The following PCDH11X variants were observed in gnomAD, a reference collection of about 807,000 sequenced individuals.
PCDH11X encodes protocadherin-11 X-linked.
PCDH11X carries 18 observed loss-of-function variants against 53.3 expected under a neutral mutation model. That is an observed-to-expected ratio of 0.34 (90% CI 0.23 to 0.50). PCDH11X has a LOEUF of 0.50. PCDH11X is among the 20% of genes least tolerant of loss of function. The probability of loss-of-function intolerance (pLI) is 0.98; values close to 1 mark genes in which losing one functional copy is unlikely to be tolerated. For missense variants in PCDH11X, 570 were observed against 1,032.4 expected (o/e 0.55, Z 6.14); for synonymous variants, 279 against 393.3 (o/e 0.71, Z 3.44).
chrX:92,182,795 C>T (rs1424747342), intron 6 of PCDH11X, among the ~76,000 whole-genome samples: 1 of 111,426 alleles, frequency 9.0e-6, no homozygotes, highest in Non-Finnish European at 1.9e-5. Flanking sequence ...GTCCATTAAA[C>T]CTCTTTCTTT....
Position 91,852,126 on chromosome X carries a change from G to T in PCDH11X, c.540+16082G>T, listed in dbSNP as rs1394940145. ...CCTCCCGGGTTCAAGCAATTCTCCTGCCTTAGCCTCCTGAGTAGCTGGGCT... is the reference window on the plus strand; with the variant it reads ...CCTCCCGGGTTCAAGCAATTCTCCTTCCTTAGCCTCCTGAGTAGCTGGGCT... On this transcript the variant is annotated intron_variant, in intron 5 of 10. Coordinates refer to ENST00000682573, the MANE Select transcript of PCDH11X (RefSeq NM_032968.5). Among the ~76,000 whole-genome samples the T allele has an allele frequency of 4.0e-5, 4 of 100,621 alleles. No individual in the cohort carries two copies. In the South Asian group the frequency reaches 2.0e-3, roughly 49 times the overall value. 87.4% of individuals were successfully genotyped at this position (100,621 alleles called of 115,157 possible).
intron 10 of PCDH11X, among the ~76,000 whole-genome samples, chrX:92,488,110 G>A (rs1172027340): frequency 9.1e-6 from 1 of 110,103 alleles, no homozygotes; most frequent in East Asian, 2.9e-4. Context: ...CTTGGATAAT[G>A]TTTTATTAGA....
rs773254590 is a variant in PCDH11X, at chrX:92,008,233, A to G, written c.3033+128960A>G. 5.7e-3 allele frequency among the ~76,000 whole-genome samples: 630 copies of G among 110,434 alleles called. 10 individuals carry two copies. Among genetic ancestry groups the G allele is most frequent in the African/African-American group, 0.019 (587 of 30,272 alleles). On this transcript the variant is annotated intron_variant, in intron 6 of 10. Coordinates refer to ENST00000682573, the MANE Select transcript of PCDH11X (RefSeq NM_032968.5). Reference sequence around the variant, plus strand: ...GCACTAGGACTCACATACACGTTGCAATTCTTATGGCCTAGACAGCCTTTC... The same window carrying G: ...GCACTAGGACTCACATACACGTTGCGATTCTTATGGCCTAGACAGCCTTTC...
chrX:92,124,853 ATTTG>A (rs1358983529), intron 6 of PCDH11X, among the ~76,000 whole-genome samples: 1 of 110,477 alleles, frequency 9.1e-6, no homozygotes, highest in African/African-American at 3.3e-5. Flanking sequence ...TTATTTATGC[ATTTG>A]TTTGTTTGTT....
chrX:92,452,777 G>A (rs146273503), intron 9 of PCDH11X, among the ~76,000 whole-genome samples: 9,426 of 87,397 alleles, frequency 0.11, 662 homozygotes, highest in Non-Finnish European at 0.15. Context: ...GACTACAGGC[G>A]TGAGCCACCA....
intron 6 of PCDH11X, among the ~76,000 whole-genome samples, chrX:91,937,428 T>A (rs2061458551): frequency 9.0e-6 from 1 of 111,023 alleles, no homozygotes; most frequent in Admixed American, 9.6e-5. Flanking sequence ...AAGTTTATTC[T>A]TTATGAAAAA....
intron 8 of PCDH11X, among the ~76,000 whole-genome samples, chrX:92,372,360 T>G (rs2148554003): frequency 9.4e-6 from 1 of 105,962 alleles, no homozygotes; most frequent in Non-Finnish European, 1.9e-5. Flanking sequence ...ATATAAAAAT[T>G]GACTTCTTCA....
Position 91,790,402 on chromosome X carries a change from A to G in PCDH11X, c.-379+10718A>G, listed in dbSNP as rs768098561. Among the ~76,000 whole-genome samples the G allele has an allele frequency of 2.0e-4, 23 of 112,431 alleles. No homozygotes were observed. The South Asian group carries it at 5.5e-3, about 27-fold the overall frequency. ...CAAAAGTTCTGAGAAGTCTTAGTAT[A>G]GTATAGACCCCTAAAGATATTGGTT... On this transcript the variant is annotated intron_variant, in intron 1 of 10. Coordinates refer to ENST00000682573, the MANE Select transcript of PCDH11X (RefSeq NM_032968.5).
chrX:92,618,978 A>T lies in PCDH11X; in HGVS notation c.*38A>T, dbSNP rs1469677179. 4 of 1,169,853 alleles carry T rather than the reference A, an allele frequency of 3.4e-6. No homozygotes were observed. Among genetic ancestry groups the T allele is most frequent in the Non-Finnish European group, 3.5e-6 (3 of 859,871 alleles). On this transcript the variant is annotated 3_prime_UTR_variant, in exon 11 of 11. Transcript: ENST00000682573. ...TACTTCAAATTTTCAGAAAAGATGT[A>T]TATAGTCAAAATTTAAGATACAATT...
chrX:92,160,414 G>T (rs1478907617), intron 6 of PCDH11X, among the ~76,000 whole-genome samples: 23 of 109,387 alleles, frequency 2.1e-4, no homozygotes, highest in Middle Eastern at 4.7e-3. Context: ...TAGGATATTT[G>T]ATTTTCCATT....
rs184442825 is a variant in PCDH11X at position 92,196,132 on chromosome X, G to C, written c.3034-5243G>C. Among the ~76,000 whole-genome samples, 267 of 111,523 alleles carry C rather than the reference G, an allele frequency of 2.4e-3. 1 individual carries two copies. The highest frequency in any genetic ancestry group is 8.2e-3 in the African/African-American group (254 of 30,822). On this transcript the variant is annotated intron_variant, in intron 6 of 10. Transcript: ENST00000682573. ...TAGGAAAGAGAATATCTCAATACTT[G>C]AAAATTTTGACCAAACACTAAATAT...
At chrX:91,928,370 A>G (rs1942017993) in intron 6 of PCDH11X, among the ~76,000 whole-genome samples, 1 of 107,104 alleles carries the variant, frequency 9.3e-6, no homozygotes, top group South Asian at 4.2e-4. Context: ...CTTTGTATAG[A>G]GAAGATGCTA....
At chrX:91,937,187 G>A (rs749387166) in intron 6 of PCDH11X, among the ~76,000 whole-genome samples, 17 of 109,559 alleles carry the variant, frequency 1.6e-4, no homozygotes, top group South Asian at 1.2e-3. Flanking sequence ...CTTTTTCTAC[G>A]TCTATAGCTC....
intron 6 of PCDH11X, among the ~76,000 whole-genome samples, chrX:92,086,607 A>G (rs2063955603): frequency 8.9e-6 from 1 of 112,011 alleles, no homozygotes; most frequent in Non-Finnish European, 1.9e-5. Flanking sequence ...AAGAATAGAT[A>G]TAAGTTCCAT....
In PCDH11X at chrX:92,497,931, G is replaced by T. The variant is rs769895747; in HGVS notation, c.3367+29609G>T. Among the ~76,000 whole-genome samples, 380 of 111,865 alleles carry T rather than the reference G, an allele frequency of 3.4e-3. 1 individual carries two copies. Among genetic ancestry groups the T allele is most frequent in the Middle Eastern group, 0.033 (7 of 209 alleles). On this transcript the variant is annotated intron_variant, in intron 10 of 10. Transcript: ENST00000682573. ...GCTATGCCCTTATTTGTTTCATGCA[G>T]ATATTGATCATTTAAGAATAATATC... is the stretch of plus-strand genomic sequence containing the variant.
chrX:91,831,413 GA>G (rs1185715237), intron 4 of PCDH11X, among the ~76,000 whole-genome samples: 17 of 103,127 alleles, frequency 1.6e-4, no homozygotes, highest in Admixed American at 4.4e-4. Context: ...CATTTTTCAT[GA>G]GACAGAAAAA....
At chrX:92,272,395 G>A (rs1198822884) in intron 8 of PCDH11X, among the ~76,000 whole-genome samples, 2 of 111,589 alleles carry the variant, frequency 1.8e-5, no homozygotes, top group Admixed American at 9.6e-5. Context: ...AACTCACAGG[G>A]ATCTCACAGG....
chrX:92,264,559 A>T (rs997682344), intron 8 of PCDH11X, among the ~76,000 whole-genome samples: 4 of 111,697 alleles, frequency 3.6e-5, no homozygotes, highest in African/African-American at 9.8e-5. Flanking sequence ...AATGAAAGAG[A>T]GAGAAGATCT....
intron 8 of PCDH11X, among the ~76,000 whole-genome samples, chrX:92,265,469 A>G (rs1167280120): frequency 3.6e-5 from 4 of 110,955 alleles, no homozygotes; most frequent in Non-Finnish European, 7.5e-5. Context: ...GAAGTTTATT[A>G]TTTTTTTCAC....
Sources: gnomAD v4.1 joint callset for allele counts (sites outside exome capture counted in the v4.1 genomes callset) on GRCh38, gnomAD v4.1.1 for gene constraint, MANE v1.5 for transcripts, NCBI Gene and HGNC (gene_info 2026-07-23, HGNC 2026-07-21) for gene names.